REV3L: variants seen among roughly 807,000 people sequenced by gnomAD.
REV3L encodes DNA polymerase zeta catalytic subunit.
Under a neutral mutation model 299.4 loss-of-function variants are expected in REV3L, and 69 were observed. The ratio of observed to expected loss-of-function variants is 0.23; its 90% CI spans 0.19 to 0.28. The LOEUF (loss-of-function observed/expected upper bound fraction) is 0.28. Ranked by LOEUF, REV3L falls within the 10% of genes least tolerant of loss-of-function variation. REV3L has a pLI of 1.00. For synonymous variants in REV3L, 1,238 were observed against 1,271.4 expected (o/e 0.97, Z 0.56); for missense variants, 3,128 against 3,693.8 (o/e 0.85, Z 3.97).
chr6:111,421,114 C>A (rs1015205390), intron 1 of REV3L, among the ~76,000 whole-genome samples: 3 of 152,124 alleles, frequency 2.0e-5, no homozygotes, highest in Middle Eastern at 3.4e-3. Flanking sequence ...GGAGACAGAG[C>A]GAGACTCCAT....
At chr6:111,333,877 A>G (rs149213730) in intron 22 of REV3L, among the ~76,000 whole-genome samples, 371 of 152,384 alleles carry the variant, frequency 2.4e-3, no homozygotes, top group Non-Finnish European at 4.3e-3. Context: ...AACATGTCAA[A>G]TAACTTAAAA....
At chr6:111,467,664 C>T (rs1791670227) in intron 1 of REV3L, among the ~76,000 whole-genome samples, 1 of 152,200 alleles carries the variant, frequency 6.6e-6, no homozygotes, top group Non-Finnish European at 1.5e-5. Context: ...TATTACATAG[C>T]ATTTACAATG....
At chr6:111,354,385 C>G (rs2114960940) in intron 18 of REV3L, among the ~76,000 whole-genome samples, 1 of 152,086 alleles carries the variant, frequency 6.6e-6, no homozygotes, top group African/African-American at 2.4e-5. Flanking sequence ...AGATAAAAAG[C>G]TGTCTATTTT....
At chr6:111,483,646 C>G (rs1348940579), upstream of REV3L, 1 of 430,374 alleles carries the variant, frequency 2.3e-6, no homozygotes, top group Non-Finnish European at 4.6e-6. Context: ...GGGGCAGCCG[C>G]TGAGACGGTT....
At chr6:111,480,838 G>GTTTTTTTT (rs56230820) in intron 1 of REV3L, among the ~76,000 whole-genome samples, 1 of 109,040 alleles carries the variant, frequency 9.2e-6, no homozygotes, top group Non-Finnish European at 2.0e-5. Context: ...TTTCGTTTTT[G>GTTTTTTTT]TTTTTTTTTT....
In REV3L at chr6:111,309,905, A is replaced by T. The variant is rs1433457228; in HGVS notation, c.8990T>A (p.Ile2997Asn). The T allele has an allele frequency of 1.2e-6, 2 of 1,614,030 alleles. No homozygotes were observed. Among genetic ancestry groups the T allele is most frequent in the Non-Finnish European group, 1.7e-6 (2 of 1,179,992 alleles). The change falls in exon 30 of 32, where the codon ATC becomes AAC. Residue 2997 changes from isoleucine to asparagine, a missense_variant. Physicochemically the swap from Ile to Asn is moderately radical, Grantham distance 149. Coordinates refer to ENST00000368802, the MANE Select transcript of REV3L (RefSeq NM_001372078.1). Reference protein sequence around the residue: ...TKQILPPLARIFSLIGIDVFS... With the variant: ...TKQILPPLARNFSLIGIDVFS... ...GACATCAATACCAATAAGTGAGAAG[A>T]TTCTTGCCAAGGGTGGAAGGATTTG...
At chr6:111,447,805 A>G (rs146419884) in intron 1 of REV3L, among the ~76,000 whole-genome samples, 49 of 152,350 alleles carry the variant, frequency 3.2e-4, no homozygotes, top group African/African-American at 1.2e-3. Flanking sequence ...TCCTTGATAC[A>G]TAATAGATGC....
In REV3L at chr6:111,422,635, T is replaced by TATATATATATACATATATATATATAC. The variant is rs1562287418; in HGVS notation, c.140-6164_140-6163insGTATATATATATATGTATATATATAT. ...ATACACATATATATATATATACACATATATATATATATACATATATATATA... is the reference window on the plus strand; with the variant it reads ...ATACACATATATATATATATACACATATATATATATACATATATATATATACATATATATATATACATATATATATA... On this transcript the variant is annotated intron_variant, in intron 1 of 31. Transcript: ENST00000368802. Among the ~76,000 whole-genome samples, 12 of 19,632 alleles carry TATATATATATACATATATATATATAC rather than the reference T, an allele frequency of 6.1e-4. 2 individuals carry two copies. Among genetic ancestry groups the TATATATATATACATATATATATATAC allele is most frequent in the African/African-American group, 1.3e-3 (11 of 8,694 alleles). 12.9% of individuals were successfully genotyped at this position (19,632 alleles called of 152,430 possible). A position where few individuals can be genotyped will look rare whatever the true frequency, so the allele number is the denominator to read the frequency against.
intron 13 of REV3L, among the ~76,000 whole-genome samples, chr6:111,369,928 C>T (rs1365977981): frequency 6.6e-6 from 1 of 151,900 alleles, no homozygotes; most frequent in African/African-American, 2.4e-5. Context: ...CCTCTGACTC[C>T]CTGGTTCAAG....
At chr6:111,468,868 T>G (rs555558170) in intron 1 of REV3L, among the ~76,000 whole-genome samples, 1 of 152,092 alleles carries the variant, frequency 6.6e-6, no homozygotes, top group Non-Finnish European at 1.5e-5. Flanking sequence ...TTTTAAAAAC[T>G]TGGATGACTG....
chr6:111,380,229 A>C lies in REV3L; in HGVS notation c.1217-10T>G. ...TCAGGACTACTGTCCACTATAAAAC[A>C]AGTACAATAATCACCAACAAATAAG... is the stretch of plus-strand genomic sequence containing the variant. On this transcript the variant is annotated splice_polypyrimidine_tract_variant and intron_variant, in intron 10 of 31. Transcript: ENST00000368802. 1 of 1,542,930 alleles carries C rather than the reference A, an allele frequency of 6.5e-7. No individual in the cohort carries two copies. Among genetic ancestry groups the C allele is most frequent in the Non-Finnish European group, 8.9e-7 (1 of 1,124,160 alleles).
intron 22 of REV3L, among the ~76,000 whole-genome samples, chr6:111,333,715 ATCCGCCCACC>A (rs897823913): frequency 6.6e-6 from 1 of 152,104 alleles, no homozygotes; most frequent in African/African-American, 2.4e-5. Flanking sequence ...ACCTCAGGTG[ATCCGCCCACC>A]TCAGCCTCCC....
Position 111,405,542 on chromosome 6 carries a change from T to C in REV3L, c.493A>G (p.Ile165Val), listed in dbSNP as rs778185462. Residue 165 changes from isoleucine to valine, a missense_variant, in exon 4 of 32, where the codon ATT becomes GTT. Around this residue, in one of 9 missense-constraint regions of REV3L, gnomAD observed 2,409 missense variants for 2,611.8 expected, o/e 0.92. Transcript: ENST00000368802. Reference sequence around the variant, plus strand: ...TTCATGCCATAAAGATTGTAGTCAATGAAGAGCTGTAGGAGGTAGGGAATA... The same window carrying C: ...TTCATGCCATAAAGATTGTAGTCAACGAAGAGCTGTAGGAGGTAGGGAATA... ...AHIPYLLQLF[I>V]DYNLYGMNLI... The C allele has an allele frequency of 9.9e-6, 16 of 1,609,740 alleles. No homozygotes were observed. Among genetic ancestry groups the C allele is most frequent in the Non-Finnish European group, 1.4e-5 (16 of 1,177,986 alleles).
Position 111,373,827 on chromosome 6 carries a change from T to C in REV3L, c.4528A>G (p.Lys1510Glu), listed in dbSNP as rs764951804. 1 of 1,614,060 alleles carries C rather than the reference T, an allele frequency of 6.2e-7. No homozygotes were observed. ...GAAGGTGTTGACACATTTCGATTTT[T>C]ACACTGAGAAAGTGCTTTGGTTTGT... Reference protein sequence around the residue: ...ISQTKALSQCKNRNVSTPSAF... With the variant: ...ISQTKALSQCENRNVSTPSAF... Residue 1510 changes from lysine to glutamate, a missense_variant, in exon 13 of 32, where the codon AAA becomes GAA. Physicochemically the swap from Lys to Glu is moderately conservative, Grantham distance 56. Transcript: ENST00000368802.
intron 30 of REV3L, chr6:111,308,293 T>A (rs1208289620): frequency 2.2e-6 from 1 of 452,496 alleles, no homozygotes; most frequent in East Asian, 7.0e-5. Flanking sequence ...GTCATTGGGT[T>A]AACATTCTTG....
At chr6:111,370,368 C>T (rs1480828273) in intron 13 of REV3L, among the ~76,000 whole-genome samples, 2 of 152,052 alleles carry the variant, frequency 1.3e-5, no homozygotes, top group East Asian at 3.9e-4. Context: ...TAAAGAGTTC[C>T]ATGTGGGTAC....
chr6:111,451,393 T>C (rs1036456679), intron 1 of REV3L, among the ~76,000 whole-genome samples: 5 of 152,166 alleles, frequency 3.3e-5, no homozygotes, highest in African/African-American at 1.2e-4. Flanking sequence ...TCAGATCTGA[T>C]TCACACAGTA....
In REV3L at chr6:111,482,895, C is replaced by T; in HGVS notation, c.-7G>A. ...CTATCCTTACTGAAAACATGTTCGC[C>T]GCCGCCGCCACTGCCTCCCTTCACT... is the stretch of plus-strand genomic sequence containing the variant. On this transcript the variant is annotated 5_prime_UTR_variant, in exon 1 of 32. Coordinates refer to ENST00000368802, the MANE Select transcript of REV3L (RefSeq NM_001372078.1). 1 of 1,512,052 alleles carries T rather than the reference C, an allele frequency of 6.6e-7. No individual in the cohort carries two copies. The highest frequency in any genetic ancestry group is 8.8e-7 in the Non-Finnish European group (1 of 1,140,124). The allele number at this position is 1,512,052 out of a possible 1,614,324, so 93.7% of individuals were successfully genotyped here. A position where few individuals can be genotyped will look rare whatever the true frequency, so the allele number is the denominator to read the frequency against.
intron 1 of REV3L, among the ~76,000 whole-genome samples, chr6:111,443,541 G>A (rs184463237): frequency 2.0e-5 from 3 of 152,222 alleles, no homozygotes; most frequent in East Asian, 1.9e-4. Context: ...TTTGAGCCTC[G>A]TTTTTAAATT....
Sources: gnomAD v4.1 joint callset for allele counts (sites outside exome capture counted in the v4.1 genomes callset) on GRCh38, gnomAD v4.1.1 for gene constraint, gnomAD v4.1.1 regional missense constraint, MANE v1.5 for transcripts, NCBI Gene and HGNC (gene_info 2026-07-23, HGNC 2026-07-21) for gene names.